Variants in GALNT13 observed in about 807,000 individuals in gnomAD.
The protein encoded by GALNT13 is UDP-GalNAc:polypeptide N-acetylgalactosaminyltransferase 13.
In GALNT13, 28 loss-of-function variants were observed where a neutral mutation model predicts 64.2. That is an observed-to-expected ratio of 0.44 (90% confidence interval 0.32 to 0.60). The LOEUF (loss-of-function observed/expected upper bound fraction) is 0.60. GALNT13 is among the 20% of genes least tolerant of loss of function. GALNT13 has a pLI of 0.05. For missense variants in GALNT13, 577 were observed against 669.8 expected (o/e 0.86, Z 1.53); for synonymous variants, 214 against 224.6 (o/e 0.95, Z 0.42).
At chr2:153,847,464 A>C in the GALNT13 span, among the ~76,000 whole-genome samples, 1 of 152,230 alleles carries the variant, frequency 6.6e-6, no homozygotes, top group South Asian at 2.1e-4. Flanking sequence ...TGGAAATATA[A>C]CATATTGCAA....
the GALNT13 span, among the ~76,000 whole-genome samples, chr2:153,401,935 TTAA>T: frequency 2.0e-5 from 3 of 150,568 alleles, no homozygotes; most frequent in Non-Finnish European, 3.0e-5. Context: ...ACATTTAAAG[TTAA>T]TATTGTTATG....
At chr2:154,024,118 G>T (rs1697753728) in intron 3 of GALNT13, among the ~76,000 whole-genome samples, 1 of 152,108 alleles carries the variant, frequency 6.6e-6, no homozygotes, top group African/African-American at 2.4e-5. Context: ...CTCTCTGGCT[G>T]CCCTTAACAT....
At chr2:153,736,209 A>G in the GALNT13 span, among the ~76,000 whole-genome samples, 11 of 152,118 alleles carry the variant, frequency 7.2e-5, no homozygotes, top group Non-Finnish European at 1.3e-4. Context: ...TTATTAACAC[A>G]TTCATTTAAA....
the GALNT13 span, among the ~76,000 whole-genome samples, chr2:153,574,591 A>G: frequency 1.0e-3 from 153 of 152,220 alleles, no homozygotes; most frequent in African/African-American, 3.6e-3. Flanking sequence ...CCTGTCTTCA[A>G]GCTCAGTAGT....
At chr2:154,005,201 G>T (rs1696164053) in intron 3 of GALNT13, among the ~76,000 whole-genome samples, 1 of 152,050 alleles carries the variant, frequency 6.6e-6, no homozygotes, top group Non-Finnish European at 1.5e-5. Context: ...TTATTGGTTG[G>T]TGAAATTGCT....
At chr2:154,267,775 A>C (rs77186427) in intron 8 of GALNT13, among the ~76,000 whole-genome samples, 6,524 of 152,270 alleles carry the variant, frequency 0.043, 195 homozygotes, top group Non-Finnish European at 0.059. Context: ...AGAAAAAAAA[A>C]CTCTCAAAAC....
intron 9 of GALNT13, among the ~76,000 whole-genome samples, chr2:154,317,720 T>C (rs1694400700): frequency 6.6e-6 from 1 of 152,146 alleles, no homozygotes; most frequent in African/African-American, 2.4e-5. Context: ...TTTCTGGAGA[T>C]AATGATATAT....
the GALNT13 span, among the ~76,000 whole-genome samples, chr2:153,450,577 A>ATT: frequency 9.4e-3 from 1,382 of 147,014 alleles, 9 homozygotes; most frequent in Middle Eastern, 0.021. Context: ...CTAGGTTTGA[A>ATT]TTTTTTTTTT....
the GALNT13 span, among the ~76,000 whole-genome samples, chr2:153,269,769 T>G: frequency 6.6e-6 from 1 of 152,110 alleles, no homozygotes; most frequent in African/African-American, 2.4e-5. Flanking sequence ...TGAGGAAACT[T>G]AAAATCATGG....
chr2:153,288,496 G>C, the GALNT13 span, among the ~76,000 whole-genome samples: 1 of 152,106 alleles, frequency 6.6e-6, no homozygotes, highest in Non-Finnish European at 1.5e-5. Flanking sequence ...GTCCCATTCC[G>C]TCCTGTCTGG....
chr2:154,259,550 C>T (rs754890579), intron 8 of GALNT13, among the ~76,000 whole-genome samples: 1 of 152,036 alleles, frequency 6.6e-6, no homozygotes, highest in Non-Finnish European at 1.5e-5. Context: ...GAACTGTGGT[C>T]AAATGAATTT....
At position 154,453,450 on chromosome 2, in the gene GALNT13, G is replaced by C. The variant is rs2105514418; in HGVS notation, c.*2899G>C. The C allele has an allele frequency of 6.6e-6, 1 of 152,266 alleles. No individual in the cohort carries two copies. Among genetic ancestry groups the C allele is most frequent in the South Asian group, 2.1e-4 (1 of 4,816 alleles). The allele number at this position is 152,266 out of a possible 1,614,324, so 9.4% of individuals were successfully genotyped here. A position where few individuals can be genotyped will look rare whatever the true frequency, so the allele number is the denominator to read the frequency against. ...TTACCCTATTATGGCTCCCAAGAAA[G>C]TTCCTGCTTTAGTGTTTTGTTCCCT... On this transcript the variant is annotated 3_prime_UTR_variant, in exon 13 of 13. Transcript: ENST00000392825.
At chr2:154,456,190 T>TG (rs1491440340), downstream of GALNT13, among the ~76,000 whole-genome samples, 2 of 26,954 alleles carry the variant, frequency 7.4e-5, no homozygotes, top group African/African-American at 2.6e-4. Flanking sequence ...TTTTGTTTTG[T>TG]TTTGTTGTTG....
downstream of GALNT13, chr2:154,454,704 C>G (rs1702007832): frequency 6.6e-6 from 1 of 151,958 alleles, no homozygotes; most frequent in Non-Finnish European, 1.5e-5. Context: ...TAAATTCTTA[C>G]TAGTCATTTA....
the GALNT13 span, among the ~76,000 whole-genome samples, chr2:153,149,688 T>A: frequency 6.6e-6 from 1 of 151,888 alleles, no homozygotes; most frequent in East Asian, 1.9e-4. Flanking sequence ...GATTTTAGGG[T>A]GTATTTATTA....
At chr2:153,301,561 T>G in the GALNT13 span, among the ~76,000 whole-genome samples, 1 of 152,170 alleles carries the variant, frequency 6.6e-6, no homozygotes, top group Non-Finnish European at 1.5e-5. Flanking sequence ...TAAAATCTAC[T>G]CTCTTAGCAA....
At chr2:153,514,161 C>T in the GALNT13 span, among the ~76,000 whole-genome samples, 41 of 152,048 alleles carry the variant, frequency 2.7e-4, no homozygotes, top group Admixed American at 6.6e-4. Context: ...TATCTCCTTT[C>T]TTTCCTCTCT....
chr2:153,213,788 A>G, the GALNT13 span, among the ~76,000 whole-genome samples: 1 of 152,208 alleles, frequency 6.6e-6, no homozygotes, highest in Admixed American at 6.5e-5. Flanking sequence ...TCTGAGGATG[A>G]CAGGAAGTAA....
intron 2 of GALNT13, among the ~76,000 whole-genome samples, chr2:153,938,756 C>G (rs2105372405): frequency 6.6e-6 from 1 of 152,240 alleles, no homozygotes; most frequent in African/African-American, 2.4e-5. Flanking sequence ...TTTCCTGTGT[C>G]CTAATCTCCT....
Sources: allele counts gnomAD v4.1 joint callset (sites outside exome capture counted in the v4.1 genomes callset), GRCh38; gene constraint gnomAD v4.1.1; transcripts MANE v1.5; gene names NCBI Gene and HGNC (gene_info 2026-07-23, HGNC 2026-07-21).